The following CDKN2A variants were observed in gnomAD, a reference collection of about 807,000 sequenced individuals.
CDKN2A encodes cyclin dependent kinase inhibitor 2A.
In CDKN2A, 3 loss-of-function variants were observed where a neutral mutation model predicts 11.1. The ratio of observed to expected loss-of-function variants is 0.27; its 90% CI spans 0.12 to 0.70. The LOEUF (loss-of-function observed/expected upper bound fraction) is 0.70. Among genes scored for constraint, CDKN2A ranks in the 30% least tolerant of loss-of-function variants. CDKN2A has a pLI of 0.77. For synonymous variants in CDKN2A, 122 were observed against 108.1 expected (o/e 1.13, Z -0.80); for missense variants, 265 against 233.6 (o/e 1.13, Z -0.88).
intron 2 of CDKN2A, among the ~76,000 whole-genome samples, chr9:21,980,485 T>C (rs1192372083): frequency 6.6e-6 from 1 of 152,120 alleles, no homozygotes; most frequent in African/African-American, 2.4e-5. Flanking sequence ...ATGAATTAAA[T>C]AAACATAATA....
chr9:21,973,223 C>T (rs1236013211), intron 1 of CDKN2A, among the ~76,000 whole-genome samples: 1 of 151,750 alleles, frequency 6.6e-6, no homozygotes, highest in Non-Finnish European at 1.5e-5. Flanking sequence ...GATAGAAATC[C>T]AAAGCAAAAA....
chr9:21,968,106 T>C lies in CDKN2A; in HGVS notation c.*123A>G. ...AAAGGCAGGACATTTTTAAAAGCTC[T>C]ATTTTCTAAATGAAAACTACGAAAG... On this transcript the variant is annotated 3_prime_UTR_variant, in exon 3 of 3. Transcript: ENST00000304494. The surrounding 1 kb of genome is among the most constrained non-coding windows in gnomAD (Gnocchi z 4.7). The C allele has an allele frequency of 1.2e-6, 1 of 862,402 alleles. No individual in the cohort carries two copies. Among genetic ancestry groups the C allele is most frequent in the Non-Finnish European group, 2.0e-6 (1 of 497,150 alleles). The allele number at this position is 862,402 out of a possible 1,614,324, so 53.4% of individuals were successfully genotyped here.
At chr9:21,994,043 C>A (rs1820518845) in exon 2 of CDKN2A, 1 of 1,396,842 alleles carries the variant, frequency 7.2e-7, no homozygotes, top group African/African-American at 1.4e-5. Context: ...TCCTCCTCCT[C>A]CTAGCCTGGG....
chr9:21,994,573 C>A (rs1394906069), intron 1 of CDKN2A: 2 of 1,012,202 alleles, frequency 2.0e-6, no homozygotes, highest in Non-Finnish European at 2.6e-6. Flanking sequence ...CGGCTCTGAG[C>A]CCTGCGCACG....
chr9:21,994,262 C>T lies in CDKN2A; in HGVS notation c.-175-209G>A, dbSNP rs1406669428. The T allele has an allele frequency of 6.2e-7, 1 of 1,605,662 alleles. No individual in the cohort carries two copies. Among genetic ancestry groups the T allele is most frequent in the African/African-American group, 1.3e-5 (1 of 74,802 alleles). On this transcript the variant is annotated intron_variant, in intron 1 of 3. Transcript: ENST00000494262. ...CCCGTGAGCCGCGGGATGTGAACCA[C>T]GAAAACCCTCACTCGCGGCGGGCCG... is the stretch of plus-strand genomic sequence containing the variant.
intron 2 of CDKN2A, among the ~76,000 whole-genome samples, chr9:21,980,026 A>T (rs183887482): frequency 6.6e-6 from 1 of 152,336 alleles, no homozygotes; most frequent in Non-Finnish European, 1.5e-5. Context: ...AGGATTGGCA[A>T]TATGCACGTA....
In CDKN2A at chr9:21,970,003, A is replaced by G. The variant is rs77978302; in HGVS notation, c.457+899T>C. 2.2e-4 allele frequency among the ~76,000 whole-genome samples: 34 copies of G among 152,222 alleles called. 1 individual carries two copies. The East Asian group carries it at 6.6e-3, about 29-fold the overall frequency. On this transcript the variant is annotated intron_variant, in intron 2 of 2. Coordinates refer to ENST00000304494, the MANE Select transcript of CDKN2A (RefSeq NM_000077.5). ...GGGCCAAAATAAGATGGATTTCATA[A>G]TCTTCAAGGTCATGTTTTACCTTAA...
rs537948851 is a variant in CDKN2A, at chr9:21,974,022, C to T, written c.150+656G>A. On this transcript the variant is annotated intron_variant, in intron 1 of 2. Coordinates refer to ENST00000304494, the MANE Select transcript of CDKN2A (RefSeq NM_000077.5). The surrounding 1 kb of genome is among the most constrained non-coding windows in gnomAD (Gnocchi z 5.2). ...TCTCCTGCCTCAACCTCCCGAGTAG[C>T]TGGGATTACAGGCGCCTGCCACCAC... 2.0e-5 allele frequency among the ~76,000 whole-genome samples: 3 copies of T among 152,138 alleles called. No individual in the cohort carries two copies. The South Asian group carries it at 6.2e-4, about 31-fold the overall frequency.
intron 2 of CDKN2A, among the ~76,000 whole-genome samples, chr9:21,984,603 T>TA (rs1297569705): frequency 8.5e-5 from 13 of 152,178 alleles, no homozygotes; most frequent in Non-Finnish European, 1.9e-4. Flanking sequence ...CATGTGCTGT[T>TA]AGAGTTCTGA....
chr9:21,973,925 G>A (rs1449479125), intron 1 of CDKN2A, among the ~76,000 whole-genome samples: 3 of 151,858 alleles, frequency 2.0e-5, no homozygotes, highest in African/African-American at 4.8e-5. Flanking sequence ...GTCTCACTCT[G>A]TCACCCAGGC....
intron 2 of CDKN2A, among the ~76,000 whole-genome samples, chr9:21,980,874 G>A (rs1369959528): frequency 2.0e-5 from 3 of 147,688 alleles, no homozygotes; most frequent in African/African-American, 7.6e-5. Flanking sequence ...AAGGAGAATG[G>A]CGTGAACCCG....
chr9:21,977,604 G>A (rs974655814), upstream of CDKN2A, among the ~76,000 whole-genome samples: 74 of 152,140 alleles, frequency 4.9e-4, no homozygotes, highest in African/African-American at 1.7e-3. Flanking sequence ...GACCTCAGGT[G>A]ATCCACCCAC....
chr9:21,990,253 C>T (rs1587354266), intron 2 of CDKN2A, among the ~76,000 whole-genome samples: 1 of 152,072 alleles, frequency 6.6e-6, no homozygotes, highest in Non-Finnish European at 1.5e-5. Flanking sequence ...GGTATAGCTA[C>T]GGATTTATGG....
chr9:21,981,866 A>G (rs919804835), intron 2 of CDKN2A, among the ~76,000 whole-genome samples: 3 of 152,180 alleles, frequency 2.0e-5, no homozygotes, highest in South Asian at 4.1e-4. Context: ...TCCACAAGGA[A>G]AAAAGATAGC....
chr9:21,985,844 C>T (rs111948132), intron 2 of CDKN2A, among the ~76,000 whole-genome samples: 2 of 151,868 alleles, frequency 1.3e-5, no homozygotes, highest in Admixed American at 1.3e-4. Flanking sequence ...AGTCTGAATA[C>T]ATAAATATAT....
In CDKN2A at chr9:21,974,026, G is replaced by A. The variant is rs1273827912; in HGVS notation, c.150+652C>T. On this transcript the variant is annotated intron_variant, in intron 1 of 2. Coordinates refer to ENST00000304494, the MANE Select transcript of CDKN2A (RefSeq NM_000077.5). The surrounding 1 kb of genome is among the most constrained non-coding windows in gnomAD (Gnocchi z 5.2). ...CTGCCTCAACCTCCCGAGTAGCTGG[G>A]ATTACAGGCGCCTGCCACCACCCCC... Among the ~76,000 whole-genome samples, 1 of 152,114 alleles carries A rather than the reference G, an allele frequency of 6.6e-6. No individual in the cohort carries two copies. Among genetic ancestry groups the A allele is most frequent in the Non-Finnish European group, 1.5e-5 (1 of 68,012 alleles).
At chr9:21,979,898 A>G (rs1820132900) in intron 2 of CDKN2A, among the ~76,000 whole-genome samples, 1 of 152,174 alleles carries the variant, frequency 6.6e-6, no homozygotes, top group Non-Finnish European at 1.5e-5. Flanking sequence ...AACCCTACAA[A>G]TCAAAGACTA....
intron 2 of CDKN2A, among the ~76,000 whole-genome samples, chr9:21,984,575 T>G (rs1412243702): frequency 1.3e-5 from 2 of 152,070 alleles, no homozygotes; most frequent in Non-Finnish European, 2.9e-5. Flanking sequence ...TCATTTCTGC[T>G]TATGCTGCTG....
chr9:21,981,674 C>T (rs546353724), intron 2 of CDKN2A, among the ~76,000 whole-genome samples: 1 of 149,094 alleles, frequency 6.7e-6, no homozygotes, highest in South Asian at 2.1e-4. Flanking sequence ...ATCTACAAAA[C>T]GGGTATAATC....
Sources: allele counts gnomAD v4.1 joint callset (sites outside exome capture counted in the v4.1 genomes callset), GRCh38; gene constraint gnomAD v4.1.1; non-coding constraint Gnocchi (gnomAD v3.1); transcripts MANE v1.5; gene names NCBI Gene and HGNC (gene_info 2026-07-23, HGNC 2026-07-21).